Variants in LRRC4C observed in about 807,000 individuals in gnomAD.
LRRC4C encodes leucine rich repeat containing 4C.
In LRRC4C, 5 loss-of-function variants were observed where a neutral mutation model predicts 33.6. That is an observed-to-expected ratio of 0.15 (90% CI 0.08 to 0.31). The LOEUF is 0.31. Among genes scored for constraint, LRRC4C ranks in the 10% least tolerant of loss-of-function variants. The pLI, the probability that LRRC4C is intolerant of heterozygous loss-of-function variation, is 1.00. For missense variants in LRRC4C, 560 were observed against 796.7 expected, an observed-to-expected ratio of 0.70 and a Z score of 3.58; for synonymous variants, 329 against 302.0, an observed-to-expected ratio of 1.09 and a Z score of -0.93.
intron 3 of LRRC4C, among the ~76,000 whole-genome samples, chr11:40,370,919 T>A (rs541835509): frequency 6.6e-6 from 1 of 152,238 alleles, no homozygotes; most frequent in South Asian, 2.1e-4. Context: ...TTTAAATGGA[T>A]CTTTTGTAAG....
chr11:41,196,684 G>A (rs1946191867), intron 1 of LRRC4C, among the ~76,000 whole-genome samples: 1 of 152,046 alleles, frequency 6.6e-6, no homozygotes, highest in Admixed American at 6.6e-5. Context: ...TAGATGAATA[G>A]ATGGATGGAC....
chr11:41,360,080 G>A (rs1952298815), intron 1 of LRRC4C, among the ~76,000 whole-genome samples: 1 of 152,164 alleles, frequency 6.6e-6, no homozygotes, highest in African/African-American at 2.4e-5. Context: ...TTACTCAGGA[G>A]GCTGAGGCAG....
In LRRC4C at chr11:40,373,371, A is replaced by T. The variant is rs553139201; in HGVS notation, c.-269-53650T>A. The stretch of plus-strand genomic sequence containing the variant: ...TGTTTATAAAAAATATCATAAAGTG[A>T]GTAAAAATCAAGTGGTGAAATGAGA... On this transcript the variant is annotated intron_variant, in intron 3 of 6. Transcript: ENST00000528697. Among the ~76,000 whole-genome samples the T allele has an allele frequency of 6.6e-5, 10 of 152,326 alleles. 1 individual carries two copies. The highest frequency in any genetic ancestry group is 6.5e-4 in the Admixed American group (10 of 15,298).
intron 1 of LRRC4C, among the ~76,000 whole-genome samples, chr11:41,409,281 G>T (rs765547651): frequency 1.3e-5 from 2 of 152,108 alleles, no homozygotes; most frequent in African/African-American, 4.8e-5. Context: ...GCTTACACTC[G>T]TCCATAACTG....
At chr11:40,666,204 A>G (rs954957265) in intron 2 of LRRC4C, among the ~76,000 whole-genome samples, 2 of 152,156 alleles carry the variant, frequency 1.3e-5, no homozygotes, top group East Asian at 3.8e-4. Context: ...CACATTTACA[A>G]TGTTGAACAC....
At chr11:40,282,494 A>T (rs1005726687) in intron 4 of LRRC4C, among the ~76,000 whole-genome samples, 2 of 152,162 alleles carry the variant, frequency 1.3e-5, no homozygotes, top group African/African-American at 2.4e-5. Flanking sequence ...AAGGATTAAA[A>T]GAAATCACTG....
intron 1 of LRRC4C, among the ~76,000 whole-genome samples, chr11:41,108,036 C>A (rs1941616515): frequency 6.6e-6 from 1 of 151,848 alleles, no homozygotes; most frequent in South Asian, 2.1e-4. Flanking sequence ...TCTAAACCAA[C>A]TAAGAATGCA....
chr11:40,429,775 G>T (rs2137834696), intron 3 of LRRC4C, among the ~76,000 whole-genome samples: 1 of 152,280 alleles, frequency 6.6e-6, no homozygotes, highest in Non-Finnish European at 1.5e-5. Context: ...ATGCACCATA[G>T]GAGATTTTAG....
At chr11:40,162,176 G>C (rs1283510712) in intron 5 of LRRC4C, among the ~76,000 whole-genome samples, 1 of 150,748 alleles carries the variant, frequency 6.6e-6, no homozygotes, top group Non-Finnish European at 1.5e-5. Flanking sequence ...AAAAAAAAAA[G>C]ACTGACCGTT....
intron 1 of LRRC4C, among the ~76,000 whole-genome samples, chr11:41,358,654 GA>G (rs1001966194): frequency 6.6e-6 from 1 of 152,124 alleles, no homozygotes; most frequent in African/African-American, 2.4e-5. Context: ...TGCCATCAGA[GA>G]AATGCAAATT....
intron 1 of LRRC4C, among the ~76,000 whole-genome samples, chr11:41,268,872 A>G (rs1325529108): frequency 6.6e-6 from 1 of 152,010 alleles, no homozygotes; most frequent in African/African-American, 2.4e-5. Flanking sequence ...AGCTAAAGAA[A>G]AAAAAAACAC....
intron 5 of LRRC4C, among the ~76,000 whole-genome samples, chr11:40,153,718 G>A (rs1006883165): frequency 5.9e-5 from 9 of 151,930 alleles, no homozygotes; most frequent in African/African-American, 1.2e-4. Context: ...CAATGTCTTC[G>A]AATTAACCCA....
intron 3 of LRRC4C, among the ~76,000 whole-genome samples, chr11:40,556,155 A>G (rs1460292041): frequency 6.6e-6 from 1 of 152,246 alleles, no homozygotes; most frequent in Non-Finnish European, 1.5e-5. Flanking sequence ...ATTACCAGTT[A>G]AAGGCAATTT....
At chr11:41,291,945 C>A (rs1950004936) in intron 1 of LRRC4C, among the ~76,000 whole-genome samples, 1 of 152,110 alleles carries the variant, frequency 6.6e-6, no homozygotes, top group South Asian at 2.1e-4. Context: ...GGGTATGGAG[C>A]AAATTGATGT....
chr11:40,903,661 G>T (rs367827109), intron 2 of LRRC4C, among the ~76,000 whole-genome samples: 4 of 152,240 alleles, frequency 2.6e-5, no homozygotes, highest in South Asian at 4.1e-4. Flanking sequence ...AAACCTTCTG[G>T]ATGACTTTGA....
chr11:41,138,841 C>CTATT (rs1230560054), intron 1 of LRRC4C, among the ~76,000 whole-genome samples: 2 of 152,116 alleles, frequency 1.3e-5, no homozygotes, highest in African/African-American at 4.8e-5. Context: ...TATAAGAATA[C>CTATT]TATTTCCCAA....
intron 2 of LRRC4C, among the ~76,000 whole-genome samples, chr11:40,665,266 C>T (rs1943660475): frequency 7.3e-6 from 1 of 136,582 alleles, no homozygotes; most frequent in African/African-American, 2.8e-5. Flanking sequence ...AAAGAAACAA[C>T]CAGCTTGAGA....
intron 2 of LRRC4C, among the ~76,000 whole-genome samples, chr11:40,876,260 G>GTTTTTTTTTTT (rs34351895): frequency 1.1e-5 from 1 of 91,318 alleles, no homozygotes; most frequent in African/African-American, 4.2e-5. Context: ...CTCAGTTAGG[G>GTTTTTTTTTTT]TTTTTTTTTT....
chr11:41,236,588 T>C (rs757343214), intron 1 of LRRC4C, among the ~76,000 whole-genome samples: 6 of 151,848 alleles, frequency 4.0e-5, no homozygotes, highest in Non-Finnish European at 5.9e-5. Flanking sequence ...AAAAAAAACC[T>C]ATTTCATAGG....
Sources: gnomAD v4.1 joint callset for allele counts (sites outside exome capture counted in the v4.1 genomes callset) on GRCh38, gnomAD v4.1.1 for gene constraint, MANE v1.5 for transcripts, NCBI Gene and HGNC (gene_info 2026-07-23, HGNC 2026-07-21) for gene names.